Variants in SLC4A8 observed in about 807,000 individuals in gnomAD.
SLC4A8 encodes electroneutral sodium bicarbonate exchanger 1.
Under a neutral mutation model 125.0 loss-of-function variants are expected in SLC4A8, and 40 were observed. That is an observed-to-expected ratio of 0.32 (90% confidence interval 0.25 to 0.42). SLC4A8 has a LOEUF of 0.42. Among genes scored for constraint, SLC4A8 ranks in the 10% least tolerant of loss-of-function variants. The pLI is 1.00. For missense variants in SLC4A8, 863 were observed against 1,355.1 expected (o/e 0.64, Z 5.70); for synonymous variants, 456 against 476.0 (o/e 0.96, Z 0.55).
intron 1 of SLC4A8, among the ~76,000 whole-genome samples, chr12:51,430,263 T>C (rs1248360555): frequency 6.6e-6 from 1 of 152,152 alleles, no homozygotes. Context: ...ACAAGAGTTC[T>C]GAAGGAGACC....
At chr12:51,474,803 C>T (rs1950813051) in intron 15 of SLC4A8, among the ~76,000 whole-genome samples, 1 of 152,122 alleles carries the variant, frequency 6.6e-6, no homozygotes, top group Non-Finnish European at 1.5e-5. Flanking sequence ...CAGGGTCCTT[C>T]CAGAGCCTTG....
At chr12:51,463,512 C>T (rs1950415863) in intron 10 of SLC4A8, 102 bp from the exon 11 acceptor site, 1 of 743,956 alleles carries the variant, frequency 1.3e-6, no homozygotes, top group Non-Finnish European at 2.3e-6. Flanking sequence ...CAAACACGGG[C>T]ATTTTTGGTT....
At chr12:51,451,301 C>G (rs1472689395) in intron 3 of SLC4A8, among the ~76,000 whole-genome samples, 1 of 152,186 alleles carries the variant, frequency 6.6e-6, no homozygotes, top group Non-Finnish European at 1.5e-5. Flanking sequence ...CCTGGACGGT[C>G]TGGATCTCCT....
intron 11 of SLC4A8, among the ~76,000 whole-genome samples, chr12:51,467,892 A>G (rs576786876): frequency 3.3e-5 from 5 of 152,244 alleles, no homozygotes; most frequent in Non-Finnish European, 7.3e-5. Context: ...TCATGCCATT[A>G]TCAAATCTAA....
intron 1 of SLC4A8, among the ~76,000 whole-genome samples, chr12:51,432,424 A>AG (rs1555188368): frequency 2.0e-5 from 3 of 147,176 alleles, no homozygotes; most frequent in Non-Finnish European, 4.5e-5. Context: ...AAAAAAAAAA[A>AG]AAAAGAAACC....
intron 1 of SLC4A8, among the ~76,000 whole-genome samples, chr12:51,402,426 A>T (rs894319293): frequency 6.6e-6 from 1 of 152,160 alleles, no homozygotes; most frequent in Non-Finnish European, 1.5e-5. Flanking sequence ...TGCTAAATTT[A>T]AAGGCTAAAG....
chr12:51,475,401 C>A (rs912568841), intron 16 of SLC4A8, among the ~76,000 whole-genome samples, 195 bp downstream of exon 16: 1 of 152,174 alleles, frequency 6.6e-6, no homozygotes, highest in African/African-American at 2.4e-5. Flanking sequence ...AGGGTTAATA[C>A]TTAAAACCTT....
chr12:51,497,293 T>C (rs1951488247), intron 22 of SLC4A8, 169 bp downstream of exon 22: 1 of 744,288 alleles, frequency 1.3e-6, no homozygotes, highest in East Asian at 3.0e-5. Flanking sequence ...TTCTTGCTTC[T>C]GTCTGTTCTT....
intron 1 of SLC4A8, among the ~76,000 whole-genome samples, chr12:51,406,229 G>C (rs1948484934): frequency 6.6e-6 from 1 of 152,218 alleles, no homozygotes; most frequent in Non-Finnish European, 1.5e-5. Context: ...TCTAATGAGG[G>C]AGATCACCAA....
chr12:51,461,190 G>C lies in SLC4A8; in HGVS notation c.1014-14G>C, dbSNP rs781487112. On this transcript the variant is annotated splice_polypyrimidine_tract_variant and intron_variant, in intron 8 of 24. Coordinates refer to ENST00000453097, the MANE Select transcript of SLC4A8 (RefSeq NM_001039960.3). ...ATTTACTTACATAATTTCCTCCTCT[G>C]TGTGTTTTGCCAGATTTTTGTTTAT... The C allele has an allele frequency of 2.0e-6, 3 of 1,493,888 alleles. No homozygotes were observed. The highest frequency in any genetic ancestry group is 2.8e-6 in the Non-Finnish European group (3 of 1,071,832). The allele number at this position is 1,493,888 out of a possible 1,614,324, so 92.5% of individuals were successfully genotyped here. A position where few individuals can be genotyped will look rare whatever the true frequency, so the allele number is the denominator to read the frequency against.
intron 14 of SLC4A8, 54 bp downstream of exon 14, chr12:51,471,586 T>C (rs968764337): frequency 1.4e-5 from 22 of 1,580,064 alleles, no homozygotes. Flanking sequence ...CTGAGTTTAA[T>C]TGCTGATGTA....
rs1938280219 is a variant in SLC4A8, at chr12:51,509,179, G to A, written c.*1741G>A. 1 of 152,656 alleles carries A rather than the reference G, an allele frequency of 6.6e-6. No homozygotes were observed. The highest frequency in any genetic ancestry group is 2.4e-5 in the African/African-American group (1 of 41,446). 9.5% of individuals were successfully genotyped at this position (152,656 alleles called of 1,614,324 possible). On this transcript the variant is annotated 3_prime_UTR_variant, in exon 25 of 25. Transcript: ENST00000453097. ...TATGCTACTTTCAGATATTAAAATG[G>A]TGTTCCTTTGAATCGTGGGTATTGT...
Position 51,411,361 on chromosome 12 carries a change from G to A in SLC4A8, c.-112+19873G>A, listed in dbSNP as rs541204912. Among the ~76,000 whole-genome samples the A allele has an allele frequency of 2.6e-5, 4 of 152,238 alleles. No individual in the cohort carries two copies. In the South Asian group the frequency reaches 8.3e-4, roughly 32 times the overall value. On this transcript the variant is annotated intron_variant, in intron 1 of 24. Transcript: ENST00000358657. The stretch of plus-strand genomic sequence containing the variant: ...CCAGCACTTTGGGAGGCTGAGGTGG[G>A]TGGATTATTTGAGCCCCGGAATTCA...
intron 1 of SLC4A8, among the ~76,000 whole-genome samples, chr12:51,410,423 G>A (rs1175901896): frequency 6.6e-6 from 1 of 151,478 alleles, no homozygotes; most frequent in African/African-American, 2.4e-5. Flanking sequence ...CTTCTGGTTA[G>A]AGTCATCCTG....
intron 1 of SLC4A8, among the ~76,000 whole-genome samples, chr12:51,394,712 A>G (rs1049282690): frequency 1.3e-5 from 2 of 152,156 alleles, no homozygotes; most frequent in African/African-American, 2.4e-5. Context: ...GAAGAGGGAG[A>G]AGATCAAAAA....
chr12:51,508,396 T>TGGCCATTTTGC lies in SLC4A8; in HGVS notation c.*961_*971dup, dbSNP rs1938252819. 2 of 152,580 alleles carry TGGCCATTTTGC rather than the reference T, an allele frequency of 1.3e-5. No homozygotes were observed. The highest frequency in any genetic ancestry group is 4.2e-4 in the South Asian group (2 of 4,814). The allele number at this position is 152,580 out of a possible 1,614,324, so 9.5% of individuals were successfully genotyped here. A position where few individuals can be genotyped will look rare whatever the true frequency, so the allele number is the denominator to read the frequency against. ...AGAAAGGAGGATATGATGTTTTTATTGGCCATTTTGCGGGACTCTTCGACT... is the reference window on the plus strand; with the variant it reads ...AGAAAGGAGGATATGATGTTTTTATTGGCCATTTTGCGGCCATTTTGCGGGACTCTTCGACT... On this transcript the variant is annotated 3_prime_UTR_variant, in exon 25 of 25. Transcript: ENST00000453097.
intron 1 of SLC4A8, among the ~76,000 whole-genome samples, chr12:51,395,467 A>G (rs1021515227): frequency 2.0e-5 from 3 of 152,050 alleles, no homozygotes; most frequent in African/African-American, 7.3e-5. Context: ...GGAAACCTGG[A>G]GGGGAGCAGA....
intron 5 of SLC4A8, among the ~76,000 whole-genome samples, chr12:51,456,189 TGATA>T (rs55637699): frequency 0.34 from 51,476 of 151,410 alleles, 9,695 homozygotes; most frequent in Non-Finnish European, 0.43. Flanking sequence ...AGACAGGAGG[TGATA>T]GATAGAGGGA....
At chr12:51,407,261 G>C (rs1948505567) in intron 1 of SLC4A8, among the ~76,000 whole-genome samples, 2 of 152,038 alleles carry the variant, frequency 1.3e-5, no homozygotes, top group Admixed American at 1.3e-4. Flanking sequence ...TTGCTTGCTT[G>C]CTTTTTCGTT....
Sources: allele counts gnomAD v4.1 joint callset (sites outside exome capture counted in the v4.1 genomes callset), GRCh38; gene constraint gnomAD v4.1.1; transcripts MANE v1.5; gene names NCBI Gene and HGNC (gene_info 2026-07-23, HGNC 2026-07-21).